DPP10: variants seen among roughly 807,000 people sequenced by gnomAD.
DPP10 encodes the protein dipeptidyl peptidase like 10.
Under a neutral mutation model 120.9 loss-of-function variants are expected in DPP10, and 33 were observed. The ratio of observed to expected loss-of-function variants is 0.27; its 90% CI spans 0.21 to 0.37. The LOEUF (loss-of-function observed/expected upper bound fraction) is 0.37, where lower values mean the gene tolerates loss of function less well. Ranked by LOEUF, DPP10 falls within the 10% of genes least tolerant of loss-of-function variation. DPP10 has a pLI of 1.00. For synonymous variants in DPP10, 337 were observed against 326.1 expected, an observed-to-expected ratio of 1.03 and a Z score of -0.36; for missense variants, 816 against 942.8, an observed-to-expected ratio of 0.87 and a Z score of 1.76.
intron 5 of DPP10, among the ~76,000 whole-genome samples, chr2:115,655,632 T>C (rs1278982301): frequency 2.0e-5 from 3 of 151,628 alleles, no homozygotes; most frequent in African/African-American, 7.2e-5. Context: ...CCTTGTCCTT[T>C]TCCTCCTTTC....
chr2:115,794,722 G>A (rs1684355940), intron 19 of DPP10, among the ~76,000 whole-genome samples: 1 of 151,972 alleles, frequency 6.6e-6, no homozygotes, highest in Non-Finnish European at 1.5e-5. Flanking sequence ...TTTTACTCCT[G>A]CCTTTCTGTT....
intron 1 of DPP10, among the ~76,000 whole-genome samples, chr2:114,992,110 C>A (rs1295436364): frequency 6.6e-6 from 1 of 152,194 alleles, no homozygotes; most frequent in African/African-American, 2.4e-5. Context: ...ATTTACAGAG[C>A]ATGCATATGC....
At position 115,769,721 on chromosome 2, in the gene DPP10, A is replaced by G. The variant is rs182716381; in HGVS notation, c.1221+1317A>G. ...GATGTTTTTATATCTAGCTATTAAA[A>G]TGATTATATAAGTCAGGTATAATTA... On this transcript the variant is annotated intron_variant, in intron 13 of 25. Coordinates refer to ENST00000410059, the MANE Select transcript of DPP10 (RefSeq NM_020868.6). Among the ~76,000 whole-genome samples the G allele has an allele frequency of 2.2e-4, 33 of 152,104 alleles. No individual in the cohort carries two copies. In the East Asian group the frequency reaches 6.4e-3, roughly 29 times the overall value.
chr2:115,196,862 C>T (rs994867738), intron 1 of DPP10, among the ~76,000 whole-genome samples: 2 of 152,158 alleles, frequency 1.3e-5, no homozygotes, highest in African/African-American at 2.4e-5. Context: ...GAGGAAAAAA[C>T]ACCATAACAC....
chr2:115,088,983 C>T (rs181743673), intron 1 of DPP10, among the ~76,000 whole-genome samples: 1 of 152,134 alleles, frequency 6.6e-6, no homozygotes, highest in East Asian at 1.9e-4. Context: ...TTATTGCCAT[C>T]CCAGGTTGGC....
chr2:115,467,632 AT>A lies in DPP10; in HGVS notation c.272-31876del, dbSNP rs377035046. On this transcript the variant is annotated intron_variant, in intron 3 of 25. Coordinates refer to ENST00000410059, the MANE Select transcript of DPP10 (RefSeq NM_020868.6). ...GAGAAAATTAACTGTGATGCTCACTATTCCTGTGAGGTTGATTTAACTGCTA... is the reference window on the plus strand; with the variant it reads ...GAGAAAATTAACTGTGATGCTCACTATCCTGTGAGGTTGATTTAACTGCTA... 3.1e-3 allele frequency among the ~76,000 whole-genome samples: 469 copies of A among 152,252 alleles called. 3 individuals carry two copies. Among genetic ancestry groups the A allele is most frequent in the African/African-American group, 0.011 (444 of 41,564 alleles).
chr2:115,746,625 A>T (rs1575663158), intron 10 of DPP10, among the ~76,000 whole-genome samples: 2 of 151,868 alleles, frequency 1.3e-5, no homozygotes, highest in East Asian at 1.9e-4. Context: ...ACATTTAAGA[A>T]TTTTTTTTTC....
chr2:115,816,228 C>T (rs527693722), intron 21 of DPP10, among the ~76,000 whole-genome samples: 82 of 152,066 alleles, frequency 5.4e-4, no homozygotes, highest in African/African-American at 2.0e-3. Flanking sequence ...AGTAATAAGC[C>T]TCATAAAGAA....
intron 1 of DPP10, among the ~76,000 whole-genome samples, chr2:114,976,647 CT>C (rs1022001408): frequency 6.6e-6 from 1 of 152,290 alleles, no homozygotes; most frequent in East Asian, 1.9e-4. Flanking sequence ...AAACAGCATA[CT>C]TTTTCCCCCT....
At chr2:115,661,813 C>T (rs553515623) in intron 5 of DPP10, among the ~76,000 whole-genome samples, 7 of 152,118 alleles carry the variant, frequency 4.6e-5, no homozygotes, top group Non-Finnish European at 1.0e-4. Context: ...ACTCAATTAC[C>T]ACAATTAAGC....
chr2:114,558,392 C>G (rs993442509), intron 1 of DPP10, among the ~76,000 whole-genome samples: 2 of 152,232 alleles, frequency 1.3e-5, no homozygotes, highest in African/African-American at 4.8e-5. Context: ...GCACTTTCTG[C>G]TCTCTCTACT....
At chr2:115,429,119 A>G (rs1197289001) in intron 3 of DPP10, among the ~76,000 whole-genome samples, 2 of 152,282 alleles carry the variant, frequency 1.3e-5, no homozygotes, top group East Asian at 3.9e-4. Flanking sequence ...AACCGTAATT[A>G]TTTTAGTGAA....
intron 1 of DPP10, among the ~76,000 whole-genome samples, chr2:114,653,215 G>C (rs182261847): frequency 2.6e-4 from 39 of 152,216 alleles, no homozygotes; most frequent in Non-Finnish European, 4.4e-5. Flanking sequence ...TATCCAGGTG[G>C]ATTCTAATTC....
At chr2:114,633,761 C>A (rs1274425447) in intron 1 of DPP10, among the ~76,000 whole-genome samples, 1 of 151,584 alleles carries the variant, frequency 6.6e-6, no homozygotes, top group African/African-American at 2.4e-5. Flanking sequence ...TACAGGTGCA[C>A]ACCACCATGT....
chr2:114,834,496 T>G (rs1687467379), intron 1 of DPP10, among the ~76,000 whole-genome samples: 1 of 150,964 alleles, frequency 6.6e-6, no homozygotes, highest in South Asian at 2.1e-4. Flanking sequence ...ATAAGCCATA[T>G]CTACGCACCT....
chr2:115,346,058 G>A (rs911871767), intron 3 of DPP10, among the ~76,000 whole-genome samples: 7 of 152,146 alleles, frequency 4.6e-5, no homozygotes, highest in African/African-American at 1.7e-4. Flanking sequence ...TGAAGGAACT[G>A]TCTCAATGCC....
chr2:114,674,114 C>T (rs958379572), intron 1 of DPP10, among the ~76,000 whole-genome samples: 3 of 151,840 alleles, frequency 2.0e-5, no homozygotes, highest in African/African-American at 7.2e-5. Context: ...TTGAAGGAAA[C>T]TTTAAATGGA....
intron 13 of DPP10, 43 bp downstream of exon 13, chr2:115,768,447 A>G (rs369808228): frequency 2.6e-5 from 41 of 1,564,872 alleles, no homozygotes; most frequent in Non-Finnish European, 3.6e-5. Flanking sequence ...CATTGTCCTC[A>G]TGTCCCCGAA....
chr2:115,328,857 G>A (rs2062523855), intron 2 of DPP10, among the ~76,000 whole-genome samples: 1 of 151,986 alleles, frequency 6.6e-6, no homozygotes, highest in African/African-American at 2.4e-5. Context: ...ATAAATAAAT[G>A]GAGTGATCTA....
Sources: gnomAD v4.1 joint callset for allele counts (sites outside exome capture counted in the v4.1 genomes callset) on GRCh38, gnomAD v4.1.1 for gene constraint, MANE v1.5 for transcripts, NCBI Gene and HGNC (gene_info 2026-07-23, HGNC 2026-07-21) for gene names.